Variants in CAMTA1 observed in about 807,000 individuals in gnomAD.
CAMTA1 encodes the protein calmodulin binding transcription activator 1.
A neutral mutation model predicts 170.9 loss-of-function variants in CAMTA1; 27 were observed. That is an observed-to-expected ratio of 0.16 (90% CI 0.12 to 0.22). The LOEUF (loss-of-function observed/expected upper bound fraction) is 0.22, where lower values mean the gene tolerates loss of function less well. Ranked by LOEUF, CAMTA1 falls within the 10% of genes least tolerant of loss-of-function variation. CAMTA1 has a pLI of 1.00. For synonymous variants in CAMTA1, 833 were observed against 891.5 expected (o/e 0.93, Z 1.17); for missense variants, 1,619 against 2,217.2 (o/e 0.73, Z 5.42).
chr1:7,432,451 G>A (rs1001090108), intron 5 of CAMTA1, among the ~76,000 whole-genome samples: 8 of 152,336 alleles, frequency 5.3e-5, no homozygotes, highest in South Asian at 2.1e-4. Flanking sequence ...AGCATGTTCC[G>A]GTAGCGGCCA....
At chr1:7,308,374 A>C (rs921623030) in intron 5 of CAMTA1, among the ~76,000 whole-genome samples, 1 of 150,528 alleles carries the variant, frequency 6.6e-6, no homozygotes, top group Admixed American at 6.6e-5. Context: ...TTATTTTACT[A>C]TCTCCTTTTG....
At chr1:6,968,829 T>C (rs1251089214) in intron 3 of CAMTA1, among the ~76,000 whole-genome samples, 1 of 151,954 alleles carries the variant, frequency 6.6e-6, no homozygotes, top group East Asian at 1.9e-4. Flanking sequence ...GGGAACAGAA[T>C]GTGCAGGTGC....
intron 3 of CAMTA1, among the ~76,000 whole-genome samples, chr1:6,846,976 G>T (rs1332217455): frequency 1.3e-5 from 2 of 152,030 alleles, no homozygotes; most frequent in Admixed American, 6.6e-5. Flanking sequence ...AAGGAGCAGT[G>T]ATGGTCTGCT....
In CAMTA1 at chr1:7,050,174, C is replaced by T. The variant is rs964126728; in HGVS notation, c.235-41130C>T. ...AAGGAGGTGAGGCCGGGGAAGTGAC[C>T]GGCAGGGCCACGGAGGACTCAGGCG... is the stretch of plus-strand genomic sequence containing the variant. On this transcript the variant is annotated intron_variant, in intron 3 of 22. Coordinates refer to ENST00000303635, the MANE Select transcript of CAMTA1 (RefSeq NM_015215.4). This position sits in a 1 kb window ranked among gnomAD's most constrained non-coding sequence, Gnocchi z 4.8. Among the ~76,000 whole-genome samples, 13 of 152,286 alleles carry T rather than the reference C, an allele frequency of 8.5e-5. No individual in the cohort carries two copies. The highest frequency in any genetic ancestry group is 2.6e-4 in the African/African-American group (11 of 41,552).
chr1:7,404,315 G>A (rs845202), intron 5 of CAMTA1, among the ~76,000 whole-genome samples: 93,954 of 152,058 alleles, frequency 0.62, 30,662 homozygotes, highest in Middle Eastern at 0.73. Context: ...ACCTCACTCT[G>A]GCCACTGAGC....
At chr1:7,555,690 TC>T (rs776427656) in intron 6 of CAMTA1, among the ~76,000 whole-genome samples, 22 of 152,086 alleles carry the variant, frequency 1.4e-4, no homozygotes, top group Non-Finnish European at 2.9e-4. Flanking sequence ...CAGCCTGGTG[TC>T]CCTGTCTCCC....
chr1:6,907,567 C>T (rs985131187), intron 3 of CAMTA1, among the ~76,000 whole-genome samples: 21 of 152,148 alleles, frequency 1.4e-4, no homozygotes, highest in African/African-American at 3.9e-4. Flanking sequence ...AGCCAGGCAC[C>T]GTTCGGGGCT....
chr1:6,884,780 T>G (rs1672710881), intron 3 of CAMTA1, among the ~76,000 whole-genome samples: 1 of 152,246 alleles, frequency 6.6e-6, no homozygotes, highest in Admixed American at 6.5e-5. Context: ...ATCCTGGGAA[T>G]GCGCAGTCTA....
chr1:7,414,556 G>T (rs2091021822), intron 5 of CAMTA1, among the ~76,000 whole-genome samples: 1 of 152,128 alleles, frequency 6.6e-6, no homozygotes, highest in African/African-American at 2.4e-5. Context: ...AGAGGTGTTT[G>T]TAGTATTCTC....
chr1:6,802,997 C>T lies in CAMTA1; in HGVS notation c.46-17184C>T, dbSNP rs542230212. ...TTGGCCAGCTCAAGCAATCCACCTGCCTCAGTCTCTCAAAGGGCTGGGATT... is the reference window on the plus strand; with the variant it reads ...TTGGCCAGCTCAAGCAATCCACCTGTCTCAGTCTCTCAAAGGGCTGGGATT... On this transcript the variant is annotated intron_variant, in intron 1 of 22. Coordinates refer to ENST00000303635, the MANE Select transcript of CAMTA1 (RefSeq NM_015215.4). Among the ~76,000 whole-genome samples, 20 of 152,320 alleles carry T rather than the reference C, an allele frequency of 1.3e-4. 2 individuals are homozygous for T. The South Asian group carries it at 3.9e-3, about 30-fold the overall frequency.
intron 3 of CAMTA1, among the ~76,000 whole-genome samples, chr1:6,933,258 A>G (rs1571841115): frequency 1.3e-5 from 2 of 151,998 alleles, no homozygotes; most frequent in Non-Finnish European, 2.9e-5. Flanking sequence ...CAAAGTCACA[A>G]ATATTTTCTC....
chr1:7,115,767 A>G (rs1367864931), intron 4 of CAMTA1, among the ~76,000 whole-genome samples: 2 of 152,148 alleles, frequency 1.3e-5, no homozygotes, highest in Non-Finnish European at 2.9e-5. Flanking sequence ...AGTCAAGTTT[A>G]GTCTGACTTC....
At chr1:7,198,546 A>T (rs1192296972) in intron 4 of CAMTA1, among the ~76,000 whole-genome samples, 2 of 151,930 alleles carry the variant, frequency 1.3e-5, no homozygotes, top group African/African-American at 4.8e-5. Context: ...TCACCCTGAG[A>T]AACCCCCAGG....
chr1:6,808,394 C>T (rs1282168159), intron 1 of CAMTA1, among the ~76,000 whole-genome samples: 2 of 152,148 alleles, frequency 1.3e-5, no homozygotes, highest in East Asian at 3.9e-4. Flanking sequence ...TGGTTTTAGG[C>T]CTCCCACATT....
chr1:7,576,000 AGTTTTGTTTT>A (rs772547161), intron 6 of CAMTA1, among the ~76,000 whole-genome samples: 18 of 151,994 alleles, frequency 1.2e-4, no homozygotes, highest in Non-Finnish European at 2.2e-4. Context: ...ACTGGGGCTC[AGTTTTGTTTT>A]GTTTTGTTTT....
Position 7,745,914 on chromosome 1 carries a change from T to C in CAMTA1, c.4440T>C (p.Ser1480=). 6.2e-7 allele frequency: 1 copy of C among 1,614,216 alleles called. No homozygotes were observed. The highest frequency in any genetic ancestry group is 8.5e-7 in the Non-Finnish European group (1 of 1,180,038). The change falls in exon 18 of 23, where the codon AGT becomes AGC. Residue 1480 remains serine (S), a synonymous_variant. Transcript: ENST00000303635. ...TGAGCCCTGTTGGCTCTCCCGTCAG[T>C]GAAATCGCTTTCGAGAAACCTAACC... ...TSLSPVGSPV[S]EIAFEKPNLP...
Position 7,060,471 on chromosome 1 carries a change from C to T in CAMTA1, c.235-30833C>T, listed in dbSNP as rs536101798. Among the ~76,000 whole-genome samples the T allele has an allele frequency of 4.6e-5, 7 of 152,366 alleles. No individual in the cohort carries two copies. The East Asian group carries it at 1.4e-3, about 29-fold the overall frequency. ...CTTTAAAGACTGCCGTCTCCAAATC[C>T]AGTCACATGCCGAGATGCTGGGAGT... On this transcript the variant is annotated intron_variant, in intron 3 of 22. Transcript: ENST00000303635.
intron 5 of CAMTA1, among the ~76,000 whole-genome samples, chr1:7,373,667 T>C (rs765646951): frequency 6.6e-6 from 1 of 152,212 alleles, no homozygotes; most frequent in Non-Finnish European, 1.5e-5. Flanking sequence ...TATAAATTAT[T>C]TGGAGAGCAA....
chr1:7,187,874 C>G (rs939047478), intron 4 of CAMTA1, among the ~76,000 whole-genome samples: 1 of 152,154 alleles, frequency 6.6e-6, no homozygotes, highest in Non-Finnish European at 1.5e-5. Context: ...TCTTTTGATG[C>G]AGGAACATTG....
Sources: allele counts gnomAD v4.1 joint callset (sites outside exome capture counted in the v4.1 genomes callset), GRCh38; gene constraint gnomAD v4.1.1; non-coding constraint Gnocchi (gnomAD v3.1); transcripts MANE v1.5; gene names NCBI Gene and HGNC (gene_info 2026-07-23, HGNC 2026-07-21).